The following FRMD4A variants were observed in gnomAD, a reference collection of about 807,000 sequenced individuals.
FRMD4A encodes FERM domain-containing protein 4A.
Under a neutral mutation model 129.1 loss-of-function variants are expected in FRMD4A, and 29 were observed. That is an observed-to-expected ratio of 0.22 (90% CI 0.17 to 0.31). FRMD4A has a LOEUF of 0.31. Ranked by LOEUF, FRMD4A falls within the 10% of genes least tolerant of loss-of-function variation. The pLI is 1.00. For missense variants in FRMD4A, 1,272 were observed against 1,375.8 expected, an observed-to-expected ratio of 0.92 and a Z score of 1.19; for synonymous variants, 634 against 571.6, an observed-to-expected ratio of 1.11 and a Z score of -1.56.
intron 2 of FRMD4A, among the ~76,000 whole-genome samples, chr10:14,192,408 G>A (rs1842346017): frequency 6.6e-6 from 1 of 152,216 alleles, no homozygotes; most frequent in Non-Finnish European, 1.5e-5. Flanking sequence ...GCAAAAATGG[G>A]AAAGTGTAAA....
At chr10:14,268,697 G>A (rs772700925) in intron 2 of FRMD4A, among the ~76,000 whole-genome samples, 2 of 152,164 alleles carry the variant, frequency 1.3e-5, no homozygotes, top group Non-Finnish European at 2.9e-5. Context: ...ATGGAAACAC[G>A]AAGCTTGGGG....
intron 2 of FRMD4A, among the ~76,000 whole-genome samples, chr10:13,884,955 C>T (rs2094601116): frequency 6.6e-6 from 1 of 152,214 alleles, no homozygotes; most frequent in African/African-American, 2.4e-5. Context: ...AGTAGCACCT[C>T]CACTTCTACA....
intron 4 of FRMD4A, among the ~76,000 whole-genome samples, chr10:13,804,091 G>A (rs776684562): frequency 2.6e-5 from 4 of 152,180 alleles, no homozygotes; most frequent in African/African-American, 9.7e-5. Context: ...TATGTTTGCC[G>A]TTGTTTCCGA....
intron 2 of FRMD4A, among the ~76,000 whole-genome samples, chr10:14,054,750 T>TTG (rs1297480086): frequency 2.0e-5 from 3 of 152,132 alleles, no homozygotes; most frequent in Non-Finnish European, 4.4e-5. Flanking sequence ...TCCCCACATG[T>TTG]TGTGGGAGGG....
intron 23 of FRMD4A, chr10:13,653,292 T>G (rs1249762366): frequency 6.6e-6 from 1 of 152,250 alleles, no homozygotes; most frequent in East Asian, 1.9e-4. Context: ...GGTGGGTGGA[T>G]CACCTGAGGT....
rs553619853 is a variant in FRMD4A at position 13,844,881 on chromosome 10, C to A, written c.111+13966G>T. Among the ~76,000 whole-genome samples, 3 of 152,234 alleles carry A rather than the reference C, an allele frequency of 2.0e-5. No homozygotes were observed. In the South Asian group the frequency reaches 6.2e-4, roughly 32 times the overall value. ...CTGCAGTCTCTAGGAAGGATACAGC[C>A]CCTATTGGGAAGCAACAGTTAGTAC... On this transcript the variant is annotated intron_variant, in intron 3 of 24. Coordinates refer to ENST00000357447, the MANE Select transcript of FRMD4A (RefSeq NM_018027.5).
At position 13,654,434 on chromosome 10, in the gene FRMD4A, A is replaced by G. The variant is rs760585112; in HGVS notation, c.3032T>C (p.Ile1011Thr). ...GATPPSSPHH[I>T]LTWQTGEATE... ...AACTCACCCAGTCTGCCAGGTTAGGATGTGGTGGGGGCTGCTTGGGGGGGT... is the reference window on the plus strand; with the variant it reads ...AACTCACCCAGTCTGCCAGGTTAGGGTGTGGTGGGGGCTGCTTGGGGGGGT... Residue 1011 changes from isoleucine (I) to threonine (T), a missense_variant, in exon 23 of 25, where the codon ATC (isoleucine) becomes ACC (threonine). Around this residue, in one of 2 missense-constraint regions of FRMD4A, gnomAD observed 972 missense variants for 892.3 expected, o/e 1.09. Coordinates refer to ENST00000357447, the MANE Select transcript of FRMD4A (RefSeq NM_018027.5). The G allele has an allele frequency of 1.3e-6, 2 of 1,572,712 alleles. No homozygotes were observed. Among genetic ancestry groups the G allele is most frequent in the South Asian group, 1.1e-5 (1 of 90,258 alleles).
intron 4 of FRMD4A, among the ~76,000 whole-genome samples, chr10:13,803,714 G>C (rs1479763111): frequency 6.6e-6 from 1 of 152,174 alleles, no homozygotes; most frequent in Non-Finnish European, 1.5e-5. Flanking sequence ...GCTCAACAAG[G>C]AGTCAAGGGC....
rs149088871 is a variant in FRMD4A at position 14,037,054 on chromosome 10, G to T, written c.46-178142C>A. 2.6e-5 allele frequency among the ~76,000 whole-genome samples: 4 copies of T among 152,296 alleles called. 1 individual carries two copies. The highest frequency in any genetic ancestry group is 9.6e-5 in the African/African-American group (4 of 41,558). ...TATACCTCTGACCTACAGCCACCCA[G>T]TTCTCACTAGTGGCAACCACTTTTA... is the stretch of plus-strand genomic sequence containing the variant. On this transcript the variant is annotated intron_variant, in intron 2 of 24. Transcript: ENST00000357447.
Position 13,657,330 on chromosome 10 carries a change from G to GTGGC in FRMD4A, c.2255_2258dup (p.His753GlnfsTer248). ...CCGGGTAGTAGTGCTCCGAGCTCGA[G>GTGGC]TGGCTGGTGCACGACGAGCAGTCGT... On this transcript the variant is annotated frameshift_variant, in exon 22 of 25. Coordinates refer to ENST00000357447, the MANE Select transcript of FRMD4A (RefSeq NM_018027.5). LOFTEE classifies it high-confidence loss of function. 1 of 1,609,954 alleles carries GTGGC rather than the reference G, an allele frequency of 6.2e-7. No homozygotes were observed. The highest frequency in any genetic ancestry group is 1.7e-5 in the Admixed American group (1 of 59,856).
intron 2 of FRMD4A, among the ~76,000 whole-genome samples, chr10:14,034,549 G>C (rs1833407739): frequency 6.6e-6 from 1 of 151,036 alleles, no homozygotes; most frequent in South Asian, 2.1e-4. Flanking sequence ...CAAGACAACA[G>C]ATAAATATTT....
intron 2 of FRMD4A, among the ~76,000 whole-genome samples, chr10:13,996,513 C>CT (rs1330653549): frequency 6.6e-6 from 1 of 152,220 alleles, no homozygotes; most frequent in Non-Finnish European, 1.5e-5. Context: ...TCCTGTACCA[C>CT]TTGTCTGCTT....
rs770618514 is a variant in FRMD4A, at chr10:14,327,045, C to T, written c.45+3013G>A. The stretch of plus-strand genomic sequence containing the variant: ...CCGTTGAAAGAATCAGTGAGGTCCT[C>T]CCACCTCAAGATGGTCCAGGCATGC... On this transcript the variant is annotated intron_variant, in intron 2 of 24. Transcript: ENST00000357447. The T allele has an allele frequency of 1.0e-5, 4 of 398,268 alleles. No individual in the cohort carries two copies. In the Admixed American group the frequency reaches 1.8e-4, roughly 18 times the overall value. 24.7% of individuals were successfully genotyped at this position (398,268 alleles called of 1,614,324 possible).
intron 2 of FRMD4A, among the ~76,000 whole-genome samples, chr10:14,104,326 A>G (rs1660724184): frequency 6.6e-6 from 1 of 152,066 alleles, no homozygotes; most frequent in South Asian, 2.1e-4. Context: ...CTACACTGCC[A>G]TCGAGGTTAC....
In FRMD4A at chr10:14,288,717, A is replaced by AT. The variant is rs147059559; in HGVS notation, c.45+41340dup. 8.9e-3 allele frequency among the ~76,000 whole-genome samples: 1,352 copies of AT among 152,310 alleles called. 20 individuals are homozygous for AT. Among genetic ancestry groups the AT allele is most frequent in the African/African-American group, 0.031 (1,296 of 41,560 alleles). On this transcript the variant is annotated intron_variant, in intron 2 of 24. Transcript: ENST00000357447. ...ACCTATAGGCACAGTGTTATACAGC[A>AT]TATCTCTAGAATTTATTCTTGCATA...
At chr10:14,283,856 C>T (rs111388499) in intron 2 of FRMD4A, among the ~76,000 whole-genome samples, 5 of 152,326 alleles carry the variant, frequency 3.3e-5, no homozygotes, top group African/African-American at 9.6e-5. Context: ...AGATTTATAA[C>T]GGAGCCAGGC....
chr10:13,947,438 C>G (rs956163258), intron 2 of FRMD4A, among the ~76,000 whole-genome samples: 2 of 152,030 alleles, frequency 1.3e-5, no homozygotes, highest in African/African-American at 2.4e-5. Flanking sequence ...AAAACCAGGG[C>G]ACTCAGTTAC....
intron 24 of FRMD4A, chr10:13,647,784 T>C (rs2081235813): frequency 2.0e-5 from 3 of 149,544 alleles, no homozygotes; most frequent in African/African-American, 7.4e-5. Context: ...TTAGGTTGGG[T>C]AGAAGTAATT....
intron 2 of FRMD4A, among the ~76,000 whole-genome samples, chr10:14,204,788 C>T (rs1402492047): frequency 6.6e-6 from 1 of 152,092 alleles, no homozygotes; most frequent in Admixed American, 6.6e-5. Flanking sequence ...CAGGAAGGAG[C>T]AGAGAGAAAT....
Sources: allele counts gnomAD v4.1 joint callset (sites outside exome capture counted in the v4.1 genomes callset), GRCh38; gene constraint gnomAD v4.1.1; regional missense constraint gnomAD v4.1.1; transcripts MANE v1.5; gene names NCBI Gene and HGNC (gene_info 2026-07-23, HGNC 2026-07-21).